NCOA6: variants seen among roughly 807,000 people sequenced by gnomAD.
NCOA6 encodes the protein NRC RAP250.
In NCOA6, 49 loss-of-function variants were observed where a neutral mutation model predicts 171.4. The ratio of observed to expected loss-of-function variants is 0.29; its 90% CI spans 0.23 to 0.36. The LOEUF (loss-of-function observed/expected upper bound fraction) is 0.36, where lower values mean the gene tolerates loss of function less well. Among genes scored for constraint, NCOA6 ranks in the 10% least tolerant of loss-of-function variants. The pLI is 1.00. For synonymous variants in NCOA6, 910 were observed against 927.5 expected (o/e 0.98, Z 0.34); for missense variants, 2,248 against 2,554.5 (o/e 0.88, Z 2.59).
intron 13 of NCOA6, among the ~76,000 whole-genome samples, chr20:34,729,343 T>A (rs1040436368): frequency 6.6e-6 from 1 of 152,220 alleles, no homozygotes; most frequent in Non-Finnish European, 1.5e-5. Flanking sequence ...CAGTGAATAT[T>A]GTTGAGTTGT....
chr20:34,753,519 G>T (rs904247223), intron 8 of NCOA6, among the ~76,000 whole-genome samples: 1 of 151,972 alleles, frequency 6.6e-6, no homozygotes, highest in Middle Eastern at 3.4e-3. Context: ...AAATTAGCCA[G>T]GCATGGTGGC....
intron 1 of NCOA6, among the ~76,000 whole-genome samples, chr20:34,793,550 G>C (rs1174182899): frequency 6.6e-6 from 1 of 152,054 alleles, no homozygotes; most frequent in African/African-American, 2.4e-5. Flanking sequence ...TTGAGGTCAA[G>C]AGTTTGAGGT....
At chr20:34,798,156 A>C (rs2078143016) in intron 1 of NCOA6, among the ~76,000 whole-genome samples, 1 of 152,164 alleles carries the variant, frequency 6.6e-6, no homozygotes, top group Non-Finnish European at 1.5e-5. Flanking sequence ...TCGGGCCTTG[A>C]GTGAACACTG....
At chr20:34,805,238 T>C (rs1309048868) in intron 1 of NCOA6, among the ~76,000 whole-genome samples, 1 of 152,086 alleles carries the variant, frequency 6.6e-6, no homozygotes, top group African/African-American at 2.4e-5. Context: ...AGATGAGGTT[T>C]TGCCATATTG....
chr20:34,738,907 A>C (rs530337433), intron 11 of NCOA6: 1 of 456,092 alleles, frequency 2.2e-6, no homozygotes, highest in South Asian at 1.5e-5. Flanking sequence ...CTTACCACTC[A>C]GTGGTAGGCA....
chr20:34,823,692 G>A (rs2079071436), intron 1 of NCOA6, among the ~76,000 whole-genome samples: 1 of 151,866 alleles, frequency 6.6e-6, no homozygotes, highest in Admixed American at 6.6e-5. Flanking sequence ...AAGAGAAGGA[G>A]CATCTCTCTT....
intron 11 of NCOA6, 34 bp from the exon 12 acceptor site, chr20:34,736,792 A>G: frequency 6.4e-7 from 1 of 1,560,332 alleles, no homozygotes; most frequent in South Asian, 1.2e-5. Context: ...CAGACCTTTT[A>G]CTTTCTTTTC....
intron 1 of NCOA6, among the ~76,000 whole-genome samples, chr20:34,799,241 GAAGAAGAAA>G (rs777625992): frequency 6.6e-6 from 1 of 152,052 alleles, no homozygotes; most frequent in Non-Finnish European, 1.5e-5. Flanking sequence ...AATTGATCAA[GAAGAAGAAA>G]AAAATGGTGA....
intron 4 of NCOA6, among the ~76,000 whole-genome samples, chr20:34,772,757 C>T (rs139283946): frequency 6.6e-6 from 1 of 152,134 alleles, no homozygotes; most frequent in Non-Finnish European, 1.5e-5. Context: ...CCACACAAGG[C>T]TGGGGGATGC....
Position 34,762,371 on chromosome 20 carries a change from A to C in NCOA6, c.515-3438T>G, listed in dbSNP as rs566105212. 2.0e-5 allele frequency among the ~76,000 whole-genome samples: 3 copies of C among 152,306 alleles called. No homozygotes were observed. The South Asian group carries it at 6.2e-4, about 32-fold the overall frequency. On this transcript the variant is annotated intron_variant, in intron 5 of 14. Coordinates refer to ENST00000359003, the MANE Select transcript of NCOA6 (RefSeq NM_014071.5). ...GCACATAGGTAAACCTGAGAATACTATTCTGATTAATCATTTCCTTTTTAT... is the reference window on the plus strand; with the variant it reads ...GCACATAGGTAAACCTGAGAATACTCTTCTGATTAATCATTTCCTTTTTAT...
At chr20:34,736,147 T>C (rs1425029122) in intron 12 of NCOA6, among the ~76,000 whole-genome samples, 1 of 152,158 alleles carries the variant, frequency 6.6e-6, no homozygotes, top group Admixed American at 6.5e-5. Context: ...CTTCCAGAAA[T>C]ATCATCCCTT....
At chr20:34,792,627 T>C in intron 1 of NCOA6, 64 bp from the exon 2 acceptor site, 1 of 398,218 alleles carries the variant, frequency 2.5e-6, no homozygotes. Context: ...ACCACAGTAT[T>C]ATATAGAAAT....
At chr20:34,758,741 A>C (rs2076726837) in intron 6 of NCOA6, 64 bp downstream of exon 6, 2 of 1,554,426 alleles carry the variant, frequency 1.3e-6, no homozygotes, top group African/African-American at 1.4e-5. Context: ...GAGATAACTG[A>C]ATTTTATAAT....
intron 8 of NCOA6, among the ~76,000 whole-genome samples, chr20:34,752,752 C>CA (rs953270150): frequency 9.9e-5 from 15 of 151,660 alleles, no homozygotes; most frequent in African/African-American, 3.6e-4. Context: ...AACATGGTGA[C>CA]ACCCCATCTC....
At chr20:34,740,312 TAGGTCATC>T in intron 11 of NCOA6, 43 bp downstream of exon 11, 1 of 1,567,254 alleles carries the variant, frequency 6.4e-7, no homozygotes, top group Non-Finnish European at 8.7e-7. Context: ...CTTGTGGGAT[TAGGTCATC>T]AAAAAACTGA....
intron 1 of NCOA6, among the ~76,000 whole-genome samples, chr20:34,807,155 G>C (rs150057138): frequency 4.1e-4 from 63 of 152,266 alleles, no homozygotes; most frequent in Non-Finnish European, 8.1e-4. Context: ...GCTTTGTGAT[G>C]TTGAAGAAGC....
intron 1 of NCOA6, among the ~76,000 whole-genome samples, chr20:34,794,925 A>C (rs541739280): frequency 6.6e-6 from 1 of 152,198 alleles, no homozygotes; most frequent in East Asian, 1.9e-4. Context: ...AGAGTGAAAA[A>C]CTTTAAAAAA....
In NCOA6 at chr20:34,736,763, G is replaced by C; in HGVS notation, c.5894-5C>G. The C allele has an allele frequency of 6.2e-7, 1 of 1,602,418 alleles. No individual in the cohort carries two copies. The highest frequency in any genetic ancestry group is 8.5e-7 in the Non-Finnish European group (1 of 1,174,524). Reference sequence around the variant, plus strand: ...AGACTAAATTCTGCGACGGGGCTAAGGCAAGGAAAAAAAAATTACAGACCT... The same window carrying C: ...AGACTAAATTCTGCGACGGGGCTAACGCAAGGAAAAAAAAATTACAGACCT... On this transcript the variant is annotated splice_region_variant and splice_polypyrimidine_tract_variant and intron_variant, in intron 11 of 14. Coordinates refer to ENST00000359003, the MANE Select transcript of NCOA6 (RefSeq NM_014071.5).
chr20:34,818,236 T>C (rs2078903449), intron 1 of NCOA6, among the ~76,000 whole-genome samples: 1 of 152,176 alleles, frequency 6.6e-6, no homozygotes, highest in Non-Finnish European at 1.5e-5. Flanking sequence ...GTGCCTATAA[T>C]CCTAGCAATT....
Sources: gnomAD v4.1 joint callset for allele counts (sites outside exome capture counted in the v4.1 genomes callset) on GRCh38, gnomAD v4.1.1 for gene constraint, MANE v1.5 for transcripts, NCBI Gene and HGNC (gene_info 2026-07-23, HGNC 2026-07-21) for gene names.